The following EPHA3 variants were observed in gnomAD, a reference collection of about 807,000 sequenced individuals.
EPHA3 encodes EPH receptor A3.
In EPHA3, 42 loss-of-function variants were observed where a neutral mutation model predicts 107.1. That is an observed-to-expected ratio of 0.39 (90% CI 0.31 to 0.51). The LOEUF (loss-of-function observed/expected upper bound fraction) is 0.51. Ranked by LOEUF, EPHA3 falls within the 20% of genes least tolerant of loss-of-function variation. The pLI is 0.78. For missense variants in EPHA3, 1,183 were observed against 1,211.2 expected, an observed-to-expected ratio of 0.98 and a Z score of 0.35; for synonymous variants, 461 against 424.8, an observed-to-expected ratio of 1.09 and a Z score of -1.05.
chr3:89,480,800 CTTCCACTTCAA>C lies in EPHA3; in HGVS notation c.*1300_*1310del. On this transcript the variant is annotated 3_prime_UTR_variant, in exon 17 of 17. Transcript: ENST00000336596. The stretch of plus-strand genomic sequence containing the variant: ...ACCAGGTATTATTATCTTTAAGAGT[CTTCCACTTCAA>C]TGCACATGGTGCAGTTTTGGTGTGT... 4.3e-6 allele frequency: 1 copy of C among 232,508 alleles called. No homozygotes were observed. Among genetic ancestry groups the C allele is most frequent in the Non-Finnish European group, 8.5e-6 (1 of 117,282 alleles). 14.4% of individuals were successfully genotyped at this position (232,508 alleles called of 1,614,324 possible). A position where few individuals can be genotyped will look rare whatever the true frequency, so the allele number is the denominator to read the frequency against.
At chr3:89,451,060 A>G (rs1357317810) in intron 15 of EPHA3, among the ~76,000 whole-genome samples, 1 of 152,200 alleles carries the variant, frequency 6.6e-6, no homozygotes, top group African/African-American at 2.4e-5. Flanking sequence ...TTAAACAAAT[A>G]TTTGTCTAGT....
intron 5 of EPHA3, among the ~76,000 whole-genome samples, chr3:89,395,047 A>G (rs1708820038): frequency 1.3e-5 from 2 of 152,228 alleles, no homozygotes; most frequent in Non-Finnish European, 2.9e-5. Flanking sequence ...ATTTGACCCT[A>G]TGATATCTGA....
At chr3:89,413,039 TG>T (rs1709184089) in intron 9 of EPHA3, 101 bp from the exon 10 acceptor site, 1 of 1,488,720 alleles carries the variant, frequency 6.7e-7, no homozygotes, top group African/African-American at 1.4e-5. Context: ...GTGCACCTTA[TG>T]GGGTAGGGAT....
At chr3:89,344,307 T>C (rs1028811300) in intron 5 of EPHA3, among the ~76,000 whole-genome samples, 3 of 152,132 alleles carry the variant, frequency 2.0e-5, no homozygotes, top group African/African-American at 7.2e-5. Context: ...TAAATGAGAT[T>C]GATGCTTTGG....
At chr3:89,294,007 T>C (rs1706282699) in intron 3 of EPHA3, among the ~76,000 whole-genome samples, 1 of 152,176 alleles carries the variant, frequency 6.6e-6, no homozygotes, top group South Asian at 2.1e-4. Context: ...ACTTTTTCCA[T>C]TCCACTAATC....
At position 89,187,001 on chromosome 3, in the gene EPHA3, ATTT is replaced by A. The variant is rs556591951; in HGVS notation, c.154-22856_154-22854del. ...TATGTTTCGTCTTCTAATAAAATAA[ATTT>A]TTATTTCAGATTTATTTTAATTATA... On this transcript the variant is annotated intron_variant, in intron 2 of 16. Transcript: ENST00000336596. Among the ~76,000 whole-genome samples the A allele has an allele frequency of 5.5e-3, 838 of 152,094 alleles. 8 individuals are homozygous for A. The highest frequency in any genetic ancestry group is 0.019 in the African/African-American group (810 of 41,546).
intron 5 of EPHA3, among the ~76,000 whole-genome samples, chr3:89,388,396 G>A (rs1253177788): frequency 6.6e-6 from 1 of 152,088 alleles, no homozygotes; most frequent in Admixed American, 6.5e-5. Context: ...AATGGGAGAA[G>A]GAGCAACTAT....
intron 2 of EPHA3, among the ~76,000 whole-genome samples, chr3:89,134,751 G>C (rs142384084): frequency 6.6e-6 from 1 of 152,186 alleles, no homozygotes; most frequent in East Asian, 1.9e-4. Flanking sequence ...CCACTGCACT[G>C]GACCTTCATT....
chr3:89,197,418 AAC>A (rs1378285315), intron 2 of EPHA3, among the ~76,000 whole-genome samples: 4 of 88,522 alleles, frequency 4.5e-5, no homozygotes, highest in South Asian at 4.3e-4. Flanking sequence ...CATAAAAAAA[AAC>A]ATAAAAACAT....
intron 2 of EPHA3, among the ~76,000 whole-genome samples, chr3:89,150,575 T>C (rs1704670259): frequency 6.6e-6 from 1 of 151,912 alleles, no homozygotes; most frequent in Admixed American, 6.6e-5. Flanking sequence ...TCATATAACT[T>C]CCCCAGATGC....
At chr3:89,112,672 C>T (rs1040564561) in intron 1 of EPHA3, among the ~76,000 whole-genome samples, 2 of 151,096 alleles carry the variant, frequency 1.3e-5, no homozygotes, top group Admixed American at 6.6e-5. Flanking sequence ...TTGAAAGTTA[C>T]ATTTTCCAAG....
chr3:89,315,063 A>G (rs1706861958), intron 3 of EPHA3, among the ~76,000 whole-genome samples: 1 of 152,006 alleles, frequency 6.6e-6, no homozygotes, highest in Middle Eastern at 3.4e-3. Context: ...ATATCTAAAC[A>G]TAGAAAAGGT....
chr3:89,275,173 C>A (rs1476628499), intron 3 of EPHA3, among the ~76,000 whole-genome samples: 2 of 151,884 alleles, frequency 1.3e-5, no homozygotes, highest in African/African-American at 4.8e-5. Flanking sequence ...TATATCAACC[C>A]AAAATTCCTA....
intron 3 of EPHA3, among the ~76,000 whole-genome samples, chr3:89,228,384 A>G (rs1224599486): frequency 6.6e-6 from 1 of 151,978 alleles, no homozygotes. Flanking sequence ...ATTTCCTGGT[A>G]TTCACATACA....
intron 2 of EPHA3, among the ~76,000 whole-genome samples, chr3:89,173,080 T>C (rs1305289600): frequency 6.6e-6 from 1 of 152,142 alleles, no homozygotes; most frequent in East Asian, 1.9e-4. Context: ...TAGGTAGAGA[T>C]AGATATACAT....
intron 3 of EPHA3, among the ~76,000 whole-genome samples, chr3:89,233,369 A>T (rs965140769): frequency 6.6e-6 from 1 of 152,114 alleles, no homozygotes. Context: ...TGCCTTTGGC[A>T]TTGAACTAGT....
chr3:89,450,383 A>ATCCC lies in EPHA3; in HGVS notation c.2690+14_2690+15insCCCT. On this transcript the variant is annotated intron_variant, in intron 15 of 16. Transcript: ENST00000336596. ...GTGCAGCCGCAAGGTGACACATTCA[A>ATCCC]TTTGTTATCTGGCATTCACTCTGAA... 4 of 1,601,438 alleles carry ATCCC rather than the reference A, an allele frequency of 2.5e-6. No homozygotes were observed. The highest frequency in any genetic ancestry group is 2.6e-6 in the Non-Finnish European group (3 of 1,172,334).
intron 5 of EPHA3, among the ~76,000 whole-genome samples, chr3:89,360,942 A>G (rs1708079523): frequency 6.6e-6 from 1 of 151,012 alleles, no homozygotes; most frequent in South Asian, 2.1e-4. Flanking sequence ...TCTCATATGA[A>G]CAGATAGGTT....
At chr3:89,156,534 C>G (rs980776431) in intron 2 of EPHA3, among the ~76,000 whole-genome samples, 2 of 151,972 alleles carry the variant, frequency 1.3e-5, no homozygotes, top group Non-Finnish European at 2.9e-5. Flanking sequence ...GTGCCAAAAT[C>G]AGATGACAGG....
Sources: gnomAD v4.1 joint callset for allele counts (sites outside exome capture counted in the v4.1 genomes callset) on GRCh38, gnomAD v4.1.1 for gene constraint, MANE v1.5 for transcripts, NCBI Gene and HGNC (gene_info 2026-07-23, HGNC 2026-07-21) for gene names.